DENND1B: variants seen among roughly 807,000 people sequenced by gnomAD.
DENND1B encodes the protein DENN domain-containing protein 1B.
Under a neutral mutation model 90.1 loss-of-function variants are expected in DENND1B, and 59 were observed. The ratio of observed to expected loss-of-function variants is 0.65; its 90% CI spans 0.53 to 0.81. DENND1B has a LOEUF of 0.81. DENND1B is among the 40% of genes least tolerant of loss of function. The pLI, the probability that DENND1B is intolerant of heterozygous loss-of-function variation, is 0.00. For missense variants in DENND1B, 862 were observed against 912.6 expected (o/e 0.94, Z 0.71); for synonymous variants, 337 against 324.6 (o/e 1.04, Z -0.41).
chr1:197,519,055 G>C (rs1668591782), intron 20 of DENND1B, among the ~76,000 whole-genome samples: 1 of 151,846 alleles, frequency 6.6e-6, no homozygotes, highest in African/African-American at 2.4e-5. Context: ...TGTCCATAGA[G>C]ATGCAAGTAA....
At chr1:197,624,245 G>C (rs577813231) in intron 10 of DENND1B, among the ~76,000 whole-genome samples, 2 of 151,718 alleles carry the variant, frequency 1.3e-5, no homozygotes, top group South Asian at 4.2e-4. Flanking sequence ...AAACAGAATA[G>C]AGAGCCCACA....
At chr1:197,586,017 T>G (rs1371473233) in intron 14 of DENND1B, among the ~76,000 whole-genome samples, 2 of 152,182 alleles carry the variant, frequency 1.3e-5, no homozygotes, top group African/African-American at 4.8e-5. Flanking sequence ...TAGGACTAGT[T>G]TGTCAACTGA....
At chr1:197,770,841 TATATAA>T (rs912906594) in intron 2 of DENND1B, among the ~76,000 whole-genome samples, 7 of 96,456 alleles carry the variant, frequency 7.3e-5, no homozygotes, top group African/African-American at 2.3e-4. Context: ...TCTATAAATA[TATATAA>T]ATATATATCT....
intron 2 of DENND1B, among the ~76,000 whole-genome samples, chr1:197,740,358 T>C (rs1027675339): frequency 1.3e-5 from 2 of 152,094 alleles, no homozygotes. Flanking sequence ...GAGCCAGTTA[T>C]ATGGAGCCTT....
In DENND1B at chr1:197,775,043, A is replaced by G. The variant is rs987526564; in HGVS notation, c.17+96T>C. On this transcript the variant is annotated intron_variant, in intron 1 of 22. Transcript: ENST00000620048. Reference sequence around the variant, plus strand: ...CCCGGCCAACCTCGGCCGCCCGGGGAGCCGGTTGAGCGCGGAGGCGCGGAG... The same window carrying G: ...CCCGGCCAACCTCGGCCGCCCGGGGGGCCGGTTGAGCGCGGAGGCGCGGAG... 3.4e-6 allele frequency: 3 copies of G among 876,500 alleles called. No individual in the cohort carries two copies. The Admixed American group carries it at 1.4e-4, about 41-fold the overall frequency. 54.3% of individuals were successfully genotyped at this position (876,500 alleles called of 1,614,324 possible).
intron 18 of DENND1B, chr1:197,545,474 T>TG (rs1260372378): frequency 3.6e-5 from 6 of 166,780 alleles, no homozygotes; most frequent in African/African-American, 1.4e-4. Context: ...CCACAGGCCA[T>TG]GGGTTGGACA....
chr1:197,758,942 G>A (rs1571645382), intron 2 of DENND1B, among the ~76,000 whole-genome samples: 2 of 139,178 alleles, frequency 1.4e-5, no homozygotes, highest in African/African-American at 5.3e-5. Context: ...TTTTCCCAAA[G>A]AATAGAGTAC....
rs138165798 is a variant in DENND1B at position 197,593,978 on chromosome 1, T to C, written c.1047+1230A>G. Among the ~76,000 whole-genome samples the C allele has an allele frequency of 1.6e-3, 249 of 152,302 alleles. 1 individual carries two copies. The highest frequency in any genetic ancestry group is 5.0e-3 in the African/African-American group (208 of 41,584). ...AATACGAATATGCCCTACTGTAGTA[T>C]AGATTATTGGTTTCCAGTCTTTTAA... On this transcript the variant is annotated intron_variant, in intron 14 of 22. Coordinates refer to ENST00000620048, the MANE Select transcript of DENND1B (RefSeq NM_001195215.2).
intron 10 of DENND1B, among the ~76,000 whole-genome samples, chr1:197,635,189 A>G (rs1333597926): frequency 6.6e-6 from 1 of 152,228 alleles, no homozygotes; most frequent in Non-Finnish European, 1.5e-5. Flanking sequence ...TGGCATTTTC[A>G]GTATCAGATG....
intron 3 of DENND1B, among the ~76,000 whole-genome samples, chr1:197,688,128 G>A (rs1487573659): frequency 9.2e-5 from 14 of 151,952 alleles, no homozygotes; most frequent in Admixed American, 9.2e-4. Flanking sequence ...TGAAAGATTT[G>A]CAAATGAAAA....
intron 4 of DENND1B, among the ~76,000 whole-genome samples, chr1:197,672,559 T>TA (rs1655619967): frequency 6.6e-6 from 1 of 152,050 alleles, no homozygotes; most frequent in Non-Finnish European, 1.5e-5. Context: ...ATTGCTTAGA[T>TA]AGCAAATCAT....
At chr1:197,547,115 A>G (rs1210276364) in intron 16 of DENND1B, among the ~76,000 whole-genome samples, 1 of 152,136 alleles carries the variant, frequency 6.6e-6, no homozygotes, top group East Asian at 1.9e-4. Flanking sequence ...AAAAAACAAA[A>G]TCCCAGGCCT....
chr1:197,615,572 G>A lies in DENND1B; in HGVS notation c.773+2087C>T, dbSNP rs116799689. On this transcript the variant is annotated intron_variant, in intron 11 of 22. Transcript: ENST00000620048. ...TTTAATCAAAACTATGAGATTGAAG[G>A]GATGATCTGTAATTTTTTTCCCTTT... Among the ~76,000 whole-genome samples, 861 of 150,916 alleles carry A rather than the reference G, an allele frequency of 5.7e-3. 11 individuals carry two copies. The highest frequency in any genetic ancestry group is 0.019 in the African/African-American group (804 of 41,298).
chr1:197,649,589 G>C (rs946826210), intron 7 of DENND1B, among the ~76,000 whole-genome samples: 1 of 152,060 alleles, frequency 6.6e-6, no homozygotes, highest in Non-Finnish European at 1.5e-5. Context: ...ACTGATCTTC[G>C]ACAAAGCAAA....
At chr1:197,696,120 T>C (rs1422634691) in intron 3 of DENND1B, among the ~76,000 whole-genome samples, 2 of 151,318 alleles carry the variant, frequency 1.3e-5, no homozygotes, top group African/African-American at 4.8e-5. Context: ...AACAAAACTG[T>C]ATATAGTACT....
chr1:197,739,536 G>T (rs1663020375), intron 2 of DENND1B, among the ~76,000 whole-genome samples: 1 of 151,928 alleles, frequency 6.6e-6, no homozygotes, highest in African/African-American at 2.4e-5. Flanking sequence ...TAACCCAACG[G>T]TCAAAGAAGA....
At chr1:197,667,618 C>T (rs1261393937) in intron 5 of DENND1B, among the ~76,000 whole-genome samples, 8 of 152,004 alleles carry the variant, frequency 5.3e-5, no homozygotes, top group Admixed American at 6.6e-5. Context: ...TTAGTAGAGA[C>T]GGGGTTTCTT....
chr1:197,727,539 A>T (rs1441146691), intron 2 of DENND1B, among the ~76,000 whole-genome samples: 2 of 151,920 alleles, frequency 1.3e-5, no homozygotes, highest in Non-Finnish European at 2.9e-5. Context: ...CTTCTCAAAA[A>T]AAAAAAAAGA....
At chr1:197,659,745 A>G (rs562751355) in intron 5 of DENND1B, among the ~76,000 whole-genome samples, 33 of 152,098 alleles carry the variant, frequency 2.2e-4, no homozygotes, top group African/African-American at 7.9e-4. Flanking sequence ...GACCAGCAGA[A>G]GTGCTCCCTA....
Sources: gnomAD v4.1 joint callset for allele counts (sites outside exome capture counted in the v4.1 genomes callset) on GRCh38, gnomAD v4.1.1 for gene constraint, MANE v1.5 for transcripts, NCBI Gene and HGNC (gene_info 2026-07-23, HGNC 2026-07-21) for gene names.